LYPD6B: variants seen among roughly 807,000 people sequenced by gnomAD.
LYPD6B encodes the protein LY6/PLAUR domain containing 6B, also known as ly6/PLAUR domain-containing protein 6B.
Under a neutral mutation model 22.8 loss-of-function variants are expected in LYPD6B, and 17 were observed. That is an observed-to-expected ratio of 0.75 (90% CI 0.51 to 1.12). The LOEUF is 1.12. Among genes scored for constraint, LYPD6B ranks in the 50% most tolerant of loss-of-function variants. The pLI is 0.00. For synonymous variants in LYPD6B, 106 were observed against 91.6 expected, an observed-to-expected ratio of 1.16 and a Z score of -0.90; for missense variants, 221 against 258.3, an observed-to-expected ratio of 0.86 and a Z score of 0.99.
rs202198922 is a variant in LYPD6B at position 149,205,288 on chromosome 2, G to A, written c.113G>A (p.Ser38Asn). 5.5e-5 allele frequency: 88 copies of A among 1,613,912 alleles called. 1 individual carries two copies. In the East Asian group the frequency reaches 2.0e-3, roughly 36 times the overall value. Residue 38 changes from serine to asparagine, a missense_variant, in exon 4 of 7, where the codon AGC becomes AAC. By Grantham distance (46) the Ser-to-Asn change is conservative. Transcript: ENST00000409642. ...TCGGACCGCCCAGCACACAAGGTCA[G>A]CATGCTGCTCCTCTGTCACGCTCTC... ...KSSDRPAHKVSMLLLCHALAI... is the reference protein window; with the variant it reads ...KSSDRPAHKVNMLLLCHALAI...
chr2:149,180,041 T>C (rs1428190073), intron 3 of LYPD6B, among the ~76,000 whole-genome samples: 1 of 152,218 alleles, frequency 6.6e-6, no homozygotes, highest in Non-Finnish European at 1.5e-5. Flanking sequence ...GGCGAGAAAC[T>C]GGGTTTGTGT....
intron 2 of LYPD6B, among the ~76,000 whole-genome samples, chr2:149,156,261 G>A (rs1332430447): frequency 6.6e-6 from 1 of 152,156 alleles, no homozygotes; most frequent in South Asian, 2.1e-4. Flanking sequence ...TTTATGAGGT[G>A]TTCCTGTTTG....
chr2:149,120,784 C>CTTTTTTTTTTTTTTTTT (rs567231544), intron 1 of LYPD6B, among the ~76,000 whole-genome samples: 2 of 95,554 alleles, frequency 2.1e-5, no homozygotes, highest in Non-Finnish European at 3.7e-5. Flanking sequence ...GCTACAAAGT[C>CTTTTTTTTTTTTTTTTT]TTTTTTTTTT....
At chr2:149,167,392 T>C (rs1690500379) in intron 3 of LYPD6B, among the ~76,000 whole-genome samples, 1 of 152,210 alleles carries the variant, frequency 6.6e-6, no homozygotes, top group Non-Finnish European at 1.5e-5. Context: ...TCCTGCTTGG[T>C]CAATCAGGAC....
chr2:149,153,592 T>C (rs1448133633), intron 2 of LYPD6B, among the ~76,000 whole-genome samples: 1 of 151,798 alleles, frequency 6.6e-6, no homozygotes, highest in Admixed American at 6.6e-5. Flanking sequence ...CTGGCCAACA[T>C]CATGAAACAC....
At chr2:149,144,975 C>T (rs1313128250) in intron 2 of LYPD6B, among the ~76,000 whole-genome samples, 3 of 152,096 alleles carry the variant, frequency 2.0e-5, no homozygotes, top group Non-Finnish European at 4.4e-5. Flanking sequence ...ATGAAATCTA[C>T]GGATGGGGCT....
intron 5 of LYPD6B, among the ~76,000 whole-genome samples, chr2:149,212,391 A>AAAAAAAC (rs1693922154): frequency 6.6e-6 from 1 of 150,586 alleles, no homozygotes; most frequent in Non-Finnish European, 1.5e-5. Context: ...AAAAAAAAAA[A>AAAAAAAC]AAAAAAAAAA....
Position 149,062,394 on chromosome 2 carries a change from C to A in LYPD6B, c.-67+23593C>A, listed in dbSNP as rs80320129. ...TAAATTGTAGCATTGATGATGATCA[C>A]GATGATGGCAGTGCTTTCTCTAGCC... On this transcript the variant is annotated intron_variant, in intron 1 of 6. Transcript: ENST00000409642. 2.2e-3 allele frequency among the ~76,000 whole-genome samples: 329 copies of A among 152,198 alleles called. 1 individual carries two copies. Among genetic ancestry groups the A allele is most frequent in the African/African-American group, 7.7e-3 (320 of 41,530 alleles).
At chr2:149,063,425 G>T (rs901803609) in intron 1 of LYPD6B, among the ~76,000 whole-genome samples, 1 of 152,130 alleles carries the variant, frequency 6.6e-6, no homozygotes, top group African/African-American at 2.4e-5. Context: ...AAATAGGAAG[G>T]ACTGATTTTA....
intron 3 of LYPD6B, among the ~76,000 whole-genome samples, chr2:149,170,953 A>G (rs929350887): frequency 1.3e-4 from 20 of 152,192 alleles, no homozygotes; most frequent in African/African-American, 4.6e-4. Context: ...TTCATCTTGA[A>G]TCCTGAGAAC....
chr2:149,122,421 T>C (rs1034785058), intron 1 of LYPD6B, among the ~76,000 whole-genome samples: 1 of 152,004 alleles, frequency 6.6e-6, no homozygotes, highest in Non-Finnish European at 1.5e-5. Flanking sequence ...TTTTTTCTTT[T>C]TCTTTTTTTT....
chr2:149,145,372 G>T (rs145360613), intron 2 of LYPD6B, among the ~76,000 whole-genome samples: 4 of 152,206 alleles, frequency 2.6e-5, no homozygotes, highest in African/African-American at 9.7e-5. Flanking sequence ...GCTCAAGAGA[G>T]CAGAGTCTGA....
At chr2:149,156,677 T>C (rs72857278) in intron 2 of LYPD6B, among the ~76,000 whole-genome samples, 30,473 of 152,096 alleles carry the variant, frequency 0.2, 3,484 homozygotes, top group Non-Finnish European at 0.26. Flanking sequence ...GATTAGGGCC[T>C]ACCCATATGA....
At chr2:149,138,098 G>T (rs2105750351) in intron 2 of LYPD6B, among the ~76,000 whole-genome samples, 1 of 152,310 alleles carries the variant, frequency 6.6e-6, no homozygotes, top group Non-Finnish European at 1.5e-5. Context: ...AGTTGAAGGA[G>T]TTTGTGTGAT....
chr2:149,044,498 A>G (rs1337548860), intron 1 of LYPD6B, among the ~76,000 whole-genome samples: 1 of 151,964 alleles, frequency 6.6e-6, no homozygotes, highest in Admixed American at 6.6e-5. Flanking sequence ...ATTCTTTGGA[A>G]TTTTCTACAT....
intron 2 of LYPD6B, among the ~76,000 whole-genome samples, chr2:149,153,668 G>A (rs112994464): frequency 0.12 from 18,695 of 152,020 alleles, 1,469 homozygotes; most frequent in Non-Finnish European, 0.16. Flanking sequence ...CCAGCTACTC[G>A]GGAGGCTGAA....
intron 2 of LYPD6B, among the ~76,000 whole-genome samples, chr2:149,135,081 C>G (rs1688273842): frequency 6.6e-6 from 1 of 151,564 alleles, no homozygotes; most frequent in Non-Finnish European, 1.5e-5. Context: ...CCCATCTCTA[C>G]TAAAAATACA....
At chr2:149,194,278 C>T (rs551624300) in intron 3 of LYPD6B, among the ~76,000 whole-genome samples, 16 of 152,242 alleles carry the variant, frequency 1.1e-4, no homozygotes, top group South Asian at 4.1e-4. Flanking sequence ...ACTCTTTATT[C>T]GTTGCAACAT....
At chr2:149,102,286 G>A (rs1452512905) in intron 1 of LYPD6B, among the ~76,000 whole-genome samples, 1 of 152,182 alleles carries the variant, frequency 6.6e-6, no homozygotes, top group Non-Finnish European at 1.5e-5. Flanking sequence ...TGGCACAGCT[G>A]AATTTAGGAA....
Sources: allele counts gnomAD v4.1 joint callset (sites outside exome capture counted in the v4.1 genomes callset), GRCh38; gene constraint gnomAD v4.1.1; transcripts MANE v1.5; gene names NCBI Gene and HGNC (gene_info 2026-07-23, HGNC 2026-07-21).